IQCM: variants seen among roughly 807,000 people sequenced by gnomAD.
The protein encoded by IQCM is IQ domain-containing protein M.
Under a neutral mutation model 57.6 loss-of-function variants are expected in IQCM, and 45 were observed. That is an observed-to-expected ratio of 0.78 (90% confidence interval 0.62 to 1.00). IQCM has a LOEUF of 1.00. Ranked by LOEUF, IQCM falls within the 50% of genes least tolerant of loss-of-function variation. The pLI is 0.00. For missense variants in IQCM, 468 were observed against 511.6 expected (o/e 0.91, Z 0.82); for synonymous variants, 148 against 158.9 (o/e 0.93, Z 0.51).
In IQCM at chr4:149,524,607, C is replaced by A. The variant is rs184450226; in HGVS notation, c.1228+23848G>T. 2.8e-3 allele frequency among the ~76,000 whole-genome samples: 428 copies of A among 151,824 alleles called. 7 individuals are homozygous for A. The highest frequency in any genetic ancestry group is 9.8e-3 in the African/African-American group (406 of 41,462). On this transcript the variant is annotated intron_variant, in intron 12 of 13. Coordinates refer to ENST00000636793, the MANE Select transcript of IQCM (RefSeq NM_001363507.2). ...CTACAAATAAAGGAACTTAATACACCTCTTTAAAATTTAAATAATAAAATA... is the reference window on the plus strand; with the variant it reads ...CTACAAATAAAGGAACTTAATACACATCTTTAAAATTTAAATAATAAAATA...
intron 8 of IQCM, among the ~76,000 whole-genome samples, chr4:149,612,018 G>A (rs1395340114): frequency 6.6e-6 from 1 of 151,822 alleles, no homozygotes; most frequent in Non-Finnish European, 1.5e-5. Flanking sequence ...CTACATGGCT[G>A]GTGAGACCTC....
chr4:149,457,845 G>A (rs1395437923), intron 12 of IQCM, among the ~76,000 whole-genome samples: 2 of 151,816 alleles, frequency 1.3e-5, no homozygotes, highest in Non-Finnish European at 2.9e-5. Flanking sequence ...ATTTTAAGAG[G>A]GAGAACAAAA....
intron 13 of IQCM, among the ~76,000 whole-genome samples, chr4:149,414,986 C>T (rs771793138): frequency 6.6e-6 from 1 of 152,062 alleles, no homozygotes; most frequent in African/African-American, 2.4e-5. Flanking sequence ...TAACATAGAT[C>T]CAGCTATCTA....
chr4:149,543,835 T>C (rs2149883399), intron 12 of IQCM, among the ~76,000 whole-genome samples: 1 of 152,324 alleles, frequency 6.6e-6, no homozygotes, highest in South Asian at 2.1e-4. Flanking sequence ...CATTAAATAC[T>C]TTTGTCATTA....
At chr4:149,734,955 C>T (rs1406281689) in intron 4 of IQCM, among the ~76,000 whole-genome samples, 1 of 151,994 alleles carries the variant, frequency 6.6e-6, no homozygotes, top group Non-Finnish European at 1.5e-5. Context: ...AATTTTAATG[C>T]AAAAAGATAC....
Position 149,670,940 on chromosome 4 carries a change from C to CT in IQCM, c.565+11177dup, listed in dbSNP as rs57287015. ...CAGGGATATTGGTCTAAAATTCTCTCTTTTTTTTTTTTTTGTTGTGTCTCT... is the reference window on the plus strand; with the variant it reads ...CAGGGATATTGGTCTAAAATTCTCTCTTTTTTTTTTTTTTTGTTGTGTCTCT... On this transcript the variant is annotated intron_variant, in intron 7 of 13. Coordinates refer to ENST00000636793, the MANE Select transcript of IQCM (RefSeq NM_001363507.2). Among the ~76,000 whole-genome samples, 890 of 143,356 alleles carry CT rather than the reference C, an allele frequency of 6.2e-3. 6 individuals are homozygous for CT. Among genetic ancestry groups the CT allele is most frequent in the South Asian group, 0.019 (86 of 4,546 alleles). 94.0% of individuals were successfully genotyped at this position (143,356 alleles called of 152,430 possible).
intron 8 of IQCM, among the ~76,000 whole-genome samples, chr4:149,600,878 TTTTC>T (rs1754213912): frequency 2.0e-5 from 3 of 152,148 alleles, no homozygotes; most frequent in Non-Finnish European, 4.4e-5. Context: ...CTAGAAAATT[TTTTC>T]AGGACAATTT....
chr4:149,494,429 C>T (rs538646425), intron 12 of IQCM, among the ~76,000 whole-genome samples: 16 of 152,054 alleles, frequency 1.1e-4, no homozygotes, highest in Admixed American at 6.6e-4. Context: ...CACTAAAGTC[C>T]CTAATGAGAT....
intron 2 of IQCM, among the ~76,000 whole-genome samples, chr4:149,754,670 T>C (rs2149945372): frequency 6.6e-6 from 1 of 152,310 alleles, no homozygotes; most frequent in East Asian, 1.9e-4. Context: ...CTTCTCTTAC[T>C]TCCTTCTCAG....
At chr4:149,434,121 C>T (rs1579044291) in intron 12 of IQCM, among the ~76,000 whole-genome samples, 1 of 152,052 alleles carries the variant, frequency 6.6e-6, no homozygotes, top group Admixed American at 6.6e-5. Context: ...ATTTTCATAA[C>T]ATACCTGTAA....
At chr4:149,453,804 T>C (rs1737386845) in intron 12 of IQCM, among the ~76,000 whole-genome samples, 1 of 151,688 alleles carries the variant, frequency 6.6e-6, no homozygotes, top group Admixed American at 6.6e-5. Flanking sequence ...TGCATAAGAG[T>C]TTGTCGGTTC....
chr4:149,599,870 A>G (rs1754114101), intron 8 of IQCM, among the ~76,000 whole-genome samples: 1 of 152,196 alleles, frequency 6.6e-6, no homozygotes, highest in Admixed American at 6.5e-5. Context: ...GGCTGGAATT[A>G]AAACTTTATA....
chr4:149,761,307 C>G (rs1054110666), intron 2 of IQCM, among the ~76,000 whole-genome samples: 1 of 152,010 alleles, frequency 6.6e-6, no homozygotes, highest in Non-Finnish European at 1.5e-5. Context: ...TAATCCAAAG[C>G]CACATGTCCA....
rs1340633224 is a variant in IQCM at position 149,389,065 on chromosome 4, C to A, written c.1391-36999G>T. Among the ~76,000 whole-genome samples, 6 of 151,740 alleles carry A rather than the reference C, an allele frequency of 4.0e-5. No individual in the cohort carries two copies. The South Asian group carries it at 1.2e-3, about 31-fold the overall frequency. The stretch of plus-strand genomic sequence containing the variant: ...CATAGTCAAGAAACCATTGCCTCAT[C>A]TGATATCATAAGGATTTACTCTTAT... On this transcript the variant is annotated intron_variant, in intron 13 of 13. Transcript: ENST00000636793.
chr4:149,629,826 G>T (rs928958544), intron 7 of IQCM, among the ~76,000 whole-genome samples: 36 of 152,118 alleles, frequency 2.4e-4, no homozygotes, highest in African/African-American at 7.0e-4. Context: ...ATTAGATTAA[G>T]ACTAAATTGC....
Position 149,522,862 on chromosome 4 carries a change from AG to A in IQCM, c.1228+25592del, listed in dbSNP as rs1745793915. Among the ~76,000 whole-genome samples the A allele has an allele frequency of 2.0e-5, 3 of 152,322 alleles. No homozygotes were observed. In the South Asian group the frequency reaches 6.2e-4, roughly 32 times the overall value. ...GGGACTATAAGAAAATACACAAAAT[AG>A]GTATATCCTGGTAAAATTCCTGAAC... On this transcript the variant is annotated intron_variant, in intron 12 of 13. Transcript: ENST00000636793.
At chr4:149,758,588 G>C (rs1240855639) in intron 2 of IQCM, among the ~76,000 whole-genome samples, 1 of 152,108 alleles carries the variant, frequency 6.6e-6, no homozygotes, top group African/African-American at 2.4e-5. Context: ...ATCTGATACA[G>C]AACTGTTATT....
intron 5 of IQCM, among the ~76,000 whole-genome samples, chr4:149,730,763 T>G (rs1012454262): frequency 3.3e-5 from 5 of 152,242 alleles, no homozygotes; most frequent in Non-Finnish European, 7.3e-5. Flanking sequence ...TACTTTCTAT[T>G]ACAGTATGAG....
At chr4:149,683,580 G>A (rs1762348684) in intron 6 of IQCM, among the ~76,000 whole-genome samples, 1 of 151,288 alleles carries the variant, frequency 6.6e-6, no homozygotes. Flanking sequence ...TGAGTATGCA[G>A]TCAGTTTTAT....
Sources: gnomAD v4.1 joint callset for allele counts (sites outside exome capture counted in the v4.1 genomes callset) on GRCh38, gnomAD v4.1.1 for gene constraint, MANE v1.5 for transcripts, NCBI Gene and HGNC (gene_info 2026-07-23, HGNC 2026-07-21) for gene names.